The following HDAC9 variants were observed in gnomAD, a reference collection of about 807,000 sequenced individuals.
HDAC9 encodes the protein histone deacetylase 9.
A neutral mutation model predicts 139.4 loss-of-function variants in HDAC9; 41 were observed. The observed-to-expected ratio is 0.29, with a 90% CI of 0.23 to 0.38. The LOEUF is 0.38. Among genes scored for constraint, HDAC9 ranks in the 10% least tolerant of loss-of-function variants. The probability of loss-of-function intolerance (pLI) is 1.00; values close to 1 mark genes in which losing one functional copy is unlikely to be tolerated. For synonymous variants in HDAC9, 517 were observed against 476.2 expected (o/e 1.09, Z -1.12); for missense variants, 1,147 against 1,297.0 (o/e 0.88, Z 1.78).
chr7:18,666,618 A>C (rs889371903), intron 12 of HDAC9, 142 bp downstream of exon 12: 2 of 1,462,850 alleles, frequency 1.4e-6, no homozygotes, highest in African/African-American at 2.8e-5. Context: ...TAAGGATTCT[A>C]CCTAATGCAG....
intron 22 of HDAC9, among the ~76,000 whole-genome samples, chr7:18,910,723 C>G (rs980537555): frequency 6.6e-6 from 1 of 151,844 alleles, no homozygotes; most frequent in African/African-American, 2.4e-5. Context: ...GTATGGCTTT[C>G]ATCTTTTATT....
chr7:18,583,696 G>A (rs1828534554), intron 2 of HDAC9, among the ~76,000 whole-genome samples: 1 of 152,194 alleles, frequency 6.6e-6, no homozygotes, highest in South Asian at 2.1e-4. Flanking sequence ...CTAGACTGCA[G>A]TGAGCTATGA....
At chr7:18,150,225 T>A (rs2128118661) in intron 1 of HDAC9, among the ~76,000 whole-genome samples, 1 of 152,206 alleles carries the variant, frequency 6.6e-6, no homozygotes, top group East Asian at 1.9e-4. Flanking sequence ...TAGATATATA[T>A]GTTTCTATTT....
At chr7:18,433,019 A>G (rs1790830741) in intron 1 of HDAC9, among the ~76,000 whole-genome samples, 1 of 152,042 alleles carries the variant, frequency 6.6e-6, no homozygotes, top group Non-Finnish European at 1.5e-5. Flanking sequence ...GTCTATGATT[A>G]TACACACATC....
chr7:18,501,677 G>T (rs1335587664), intron 2 of HDAC9, among the ~76,000 whole-genome samples: 2 of 152,060 alleles, frequency 1.3e-5, no homozygotes, highest in Non-Finnish European at 2.9e-5. Flanking sequence ...AAGATAGGAA[G>T]AAATAAGGAA....
chr7:18,750,699 C>G lies in HDAC9; in HGVS notation c.2043+1561C>G, dbSNP rs1373513704. On this transcript the variant is annotated intron_variant, in intron 14 of 25. Coordinates refer to ENST00000686413, the MANE Select transcript of HDAC9 (RefSeq NM_178425.4). ...CTGATACTGCAGTTTGGAGGCCAAA[C>G]CATTCTCTTTTCTATGCAATCCCAT... Among the ~76,000 whole-genome samples, 4 of 152,116 alleles carry G rather than the reference C, an allele frequency of 2.6e-5. 1 individual carries two copies. Among genetic ancestry groups the G allele is most frequent in the Admixed American group, 2.6e-4 (4 of 15,274 alleles).
chr7:18,994,102 T>C (rs887336154), intron 25 of HDAC9, among the ~76,000 whole-genome samples: 3 of 152,142 alleles, frequency 2.0e-5, no homozygotes, highest in Non-Finnish European at 4.4e-5. Flanking sequence ...AATTCACAGA[T>C]CCTCCACCAC....
upstream of HDAC9, among the ~76,000 whole-genome samples, chr7:18,286,359 A>T (rs1198135283): frequency 1.3e-5 from 2 of 150,134 alleles, no homozygotes; most frequent in Non-Finnish European, 3.0e-5. Context: ...CTAAATTGTG[A>T]AAATTCAATA....
At chr7:18,545,459 T>C (rs755146497) in intron 2 of HDAC9, among the ~76,000 whole-genome samples, 1 of 152,164 alleles carries the variant, frequency 6.6e-6, no homozygotes, top group African/African-American at 2.4e-5. Flanking sequence ...TAAATAGTTA[T>C]TAAATTGTTT....
At chr7:18,435,921 G>C (rs1791156950) in intron 1 of HDAC9, among the ~76,000 whole-genome samples, 1 of 144,094 alleles carries the variant, frequency 6.9e-6, no homozygotes, top group Non-Finnish European at 1.5e-5. Flanking sequence ...AATATATAAA[G>C]AGAGAGAGAA....
At chr7:18,651,166 T>C (rs555342169) in intron 11 of HDAC9, among the ~76,000 whole-genome samples, 4 of 152,280 alleles carry the variant, frequency 2.6e-5, no homozygotes, top group African/African-American at 7.2e-5. Context: ...CTAACATGTT[T>C]CTGTATAATA....
intron 22 of HDAC9, among the ~76,000 whole-genome samples, chr7:18,881,163 A>T (rs535106320): frequency 1.1e-4 from 17 of 152,270 alleles, no homozygotes; most frequent in Non-Finnish European, 1.9e-4. Flanking sequence ...CATGTTGTCT[A>T]CGTCTTCTGC....
intron 1 of HDAC9, among the ~76,000 whole-genome samples, chr7:18,453,578 G>C (rs1183681332): frequency 6.6e-6 from 1 of 152,090 alleles, no homozygotes; most frequent in Non-Finnish European, 1.5e-5. Context: ...GGGAGGTTGT[G>C]GTGACACAAG....
At chr7:18,354,398 T>G (rs1194502547) in intron 1 of HDAC9, among the ~76,000 whole-genome samples, 1 of 152,146 alleles carries the variant, frequency 6.6e-6, no homozygotes, top group Non-Finnish European at 1.5e-5. Context: ...TTGTTTAAAT[T>G]AACACACTTT....
chr7:18,567,843 C>T (rs1232481283), intron 2 of HDAC9, among the ~76,000 whole-genome samples: 1 of 151,732 alleles, frequency 6.6e-6, no homozygotes, highest in Non-Finnish European at 1.5e-5. Flanking sequence ...TTCTTTAAAA[C>T]CTCAAGGTTT....
At chr7:18,442,556 G>T (rs897784783) in intron 1 of HDAC9, among the ~76,000 whole-genome samples, 2 of 152,072 alleles carry the variant, frequency 1.3e-5, no homozygotes, top group Non-Finnish European at 2.9e-5. Flanking sequence ...AAAATCAGTC[G>T]GATATCTTAG....
chr7:18,802,472 G>A (rs1793382597), intron 17 of HDAC9, among the ~76,000 whole-genome samples: 1 of 151,722 alleles, frequency 6.6e-6, no homozygotes, highest in South Asian at 2.1e-4. Context: ...AAATAGAATC[G>A]GCATCCACAT....
chr7:18,355,490 T>C (rs1783185390), intron 1 of HDAC9, among the ~76,000 whole-genome samples: 1 of 152,190 alleles, frequency 6.6e-6, no homozygotes, highest in South Asian at 2.1e-4. Context: ...GGGTTGCTCA[T>C]AATTAATGAA....
chr7:18,884,121 C>T (rs1254131636), intron 22 of HDAC9, among the ~76,000 whole-genome samples: 1 of 152,112 alleles, frequency 6.6e-6, no homozygotes, highest in African/African-American at 2.4e-5. Flanking sequence ...TTACATAGTG[C>T]CCAAAGCTAT....
Sources: allele counts gnomAD v4.1 joint callset (sites outside exome capture counted in the v4.1 genomes callset), GRCh38; gene constraint gnomAD v4.1.1; transcripts MANE v1.5; gene names NCBI Gene and HGNC (gene_info 2026-07-23, HGNC 2026-07-21).